SOAT1: variants seen among roughly 807,000 people sequenced by gnomAD.
The protein encoded by SOAT1 is acyl-coenzyme A:cholesterol acyltransferase 1.
In SOAT1, 55 loss-of-function variants were observed where a neutral mutation model predicts 69.5. That is an observed-to-expected ratio of 0.79 (90% CI 0.64 to 0.99). SOAT1 has a LOEUF of 0.99. Ranked by LOEUF, SOAT1 falls within the 50% of genes least tolerant of loss-of-function variation. The pLI is 0.00. For synonymous variants in SOAT1, 231 were observed against 224.7 expected (o/e 1.03, Z -0.25); for missense variants, 580 against 669.3 (o/e 0.87, Z 1.47).
rs186160428 is a variant in SOAT1, at chr1:179,306,087, T to G, written c.118+3285T>G. ...GCAAAGACTTTTTAAGACAGTATAG[T>G]GTTGTGTGTGTGGTGTTTTGTTTGC... On this transcript the variant is annotated intron_variant, in intron 2 of 15. Coordinates refer to ENST00000367619, the MANE Select transcript of SOAT1 (RefSeq NM_003101.6). 4.6e-5 allele frequency among the ~76,000 whole-genome samples: 7 copies of G among 152,238 alleles called. No homozygotes were observed. The East Asian group carries it at 1.4e-3, about 29-fold the overall frequency.
chr1:179,325,065 TGCTGGGATTACAG>T (rs1205900778), intron 3 of SOAT1, among the ~76,000 whole-genome samples: 2 of 151,468 alleles, frequency 1.3e-5, no homozygotes, highest in Non-Finnish European at 2.9e-5. Context: ...CCTCCCAAAG[TGCTGGGATTACAG>T]GCTGGGATTA....
rs1415113163 is a variant in SOAT1, at chr1:179,341,069, A to G, written c.539A>G (p.Lys180Arg). 31 of 1,613,952 alleles carry G rather than the reference A, an allele frequency of 1.9e-5. No homozygotes were observed. Among genetic ancestry groups the G allele is most frequent in the Non-Finnish European group, 2.5e-5 (30 of 1,179,990 alleles). The change falls in exon 7 of 16, where the codon AAA (lysine) becomes AGA (arginine). Residue 180 changes from lysine (K) to arginine (R), a missense_variant. Lys to Arg is a conservative substitution (Grantham distance 26). Coordinates refer to ENST00000367619, the MANE Select transcript of SOAT1 (RefSeq NM_003101.6). ...EFSLLSYAFG[K>R]FPTVVWTWWI... ...AGCCTCCTGTCTTATGCTTTTGGCA[A>G]ATTTCCTACCGTTGTTTGGACCTGG...
chr1:179,344,374 T>TGAGAAGGAGTCCTGC, intron 10 of SOAT1, among the ~76,000 whole-genome samples: 1 of 24,146 alleles, frequency 4.1e-5, no homozygotes, highest in East Asian at 1.1e-3. Context: ...TTTTTTTTTT[T>TGAGAAGGAGTCCTGC]TTTTTTTTTT....
In SOAT1 at chr1:179,339,427, T is replaced by C; in HGVS notation, c.390-11T>C. The stretch of plus-strand genomic sequence containing the variant: ...CATTATTAACTTGTTTTGTTTGAAC[T>C]ACATTTACAGTGAACTGCTTGAAGT... On this transcript the variant is annotated splice_polypyrimidine_tract_variant and intron_variant, in intron 5 of 15. Coordinates refer to ENST00000367619, the MANE Select transcript of SOAT1 (RefSeq NM_003101.6). 6.5e-7 allele frequency: 1 copy of C among 1,549,286 alleles called. No homozygotes were observed. Among genetic ancestry groups the C allele is most frequent in the Non-Finnish European group, 8.8e-7 (1 of 1,141,254 alleles).
intron 3 of SOAT1, among the ~76,000 whole-genome samples, chr1:179,329,732 A>G (rs150703934): frequency 2.0e-5 from 3 of 152,018 alleles, no homozygotes; most frequent in African/African-American, 4.8e-5. Flanking sequence ...AAAAAAAAGA[A>G]GTTTTTGGAT....
At chr1:179,334,229 G>C (rs934823241) in intron 3 of SOAT1, among the ~76,000 whole-genome samples, 6 of 152,208 alleles carry the variant, frequency 3.9e-5, no homozygotes, top group African/African-American at 1.2e-4. Context: ...TTTATGTATA[G>C]GTGGTGGGGG....
At chr1:179,331,507 G>A (rs990949606) in intron 3 of SOAT1, among the ~76,000 whole-genome samples, 1 of 152,180 alleles carries the variant, frequency 6.6e-6, no homozygotes, top group Admixed American at 6.5e-5. Context: ...GGAGGCCAAG[G>A]CAGGCAGATC....
chr1:179,341,025 C>G lies in SOAT1; in HGVS notation c.498-3C>G, dbSNP rs766091340. On this transcript the variant is annotated splice_polypyrimidine_tract_variant and splice_region_variant and intron_variant, in intron 6 of 15. Transcript: ENST00000367619. ...GTTCTTTTTCTGTACCTTTTCTCCC[C>G]AGGCTGGTGCTTGAGTTCAGCCTCC... 6.2e-7 allele frequency: 1 copy of G among 1,613,074 alleles called. No individual in the cohort carries two copies. Among genetic ancestry groups the G allele is most frequent in the Admixed American group, 1.7e-5 (1 of 59,856 alleles).
chr1:179,295,614 C>G (rs1456105960), intron 1 of SOAT1, among the ~76,000 whole-genome samples: 2 of 152,184 alleles, frequency 1.3e-5, no homozygotes, highest in Non-Finnish European at 2.9e-5. Context: ...GTTTCAGCTA[C>G]CTGAGGTGCG....
intron 2 of SOAT1, among the ~76,000 whole-genome samples, chr1:179,313,951 A>G (rs1487854740): frequency 6.6e-6 from 1 of 152,192 alleles, no homozygotes; most frequent in Non-Finnish European, 1.5e-5. Context: ...GTAAGTAGAT[A>G]AGCTTCCCTT....
intron 3 of SOAT1, among the ~76,000 whole-genome samples, chr1:179,332,434 G>A (rs1350056082): frequency 6.6e-6 from 1 of 152,006 alleles, no homozygotes; most frequent in Non-Finnish European, 1.5e-5. Flanking sequence ...AATCTTAGAG[G>A]TTATCTAATT....
intron 5 of SOAT1, among the ~76,000 whole-genome samples, chr1:179,338,433 T>C (rs1028301836): frequency 1.3e-5 from 2 of 152,140 alleles, no homozygotes; most frequent in African/African-American, 2.4e-5. Context: ...TAAAAAAAAG[T>C]GTACTTTTCT....
Position 179,354,069 on chromosome 1 carries a change from A to G in SOAT1, c.*428A>G, listed in dbSNP as rs1436697020. 1 of 159,998 alleles carries G rather than the reference A, an allele frequency of 6.3e-6. No individual in the cohort carries two copies. Among genetic ancestry groups the G allele is most frequent in the Non-Finnish European group, 1.4e-5 (1 of 73,292 alleles). 9.9% of individuals were successfully genotyped at this position (159,998 alleles called of 1,614,324 possible). ...CTGGCTTAGAAATTTTTTCATGCACACTGTTGGAATGTATGCTAATTGAAC... is the reference window on the plus strand; with the variant it reads ...CTGGCTTAGAAATTTTTTCATGCACGCTGTTGGAATGTATGCTAATTGAAC... On this transcript the variant is annotated 3_prime_UTR_variant, in exon 16 of 16. Transcript: ENST00000367619.
chr1:179,300,868 G>T (rs549454856), intron 1 of SOAT1, among the ~76,000 whole-genome samples: 2 of 152,218 alleles, frequency 1.3e-5, no homozygotes, highest in South Asian at 2.1e-4. Context: ...GGCTGAGGCG[G>T]GCGGATAACT....
chr1:179,311,731 CAA>C (rs1665228709), intron 2 of SOAT1, among the ~76,000 whole-genome samples: 1 of 152,010 alleles, frequency 6.6e-6, no homozygotes. Flanking sequence ...TTTTAAAAAA[CAA>C]ATTAAATATA....
At chr1:179,329,560 A>G (rs1283564454) in intron 3 of SOAT1, among the ~76,000 whole-genome samples, 2 of 151,946 alleles carry the variant, frequency 1.3e-5, no homozygotes, top group Non-Finnish European at 2.9e-5. Context: ...TTTACTAAAA[A>G]TACAACAAAA....
intron 12 of SOAT1, among the ~76,000 whole-genome samples, 156 bp downstream of exon 12, chr1:179,347,853 G>T (rs1666589425): frequency 6.6e-6 from 1 of 152,104 alleles, no homozygotes; most frequent in Non-Finnish European, 1.5e-5. Context: ...CTGAAATTCG[G>T]TTACAGATAT....
At chr1:179,340,813 T>C (rs1347095128) in intron 6 of SOAT1, among the ~76,000 whole-genome samples, 1 of 65,918 alleles carries the variant, frequency 1.5e-5, no homozygotes, top group Non-Finnish European at 2.8e-5. Context: ...AAAGAACATA[T>C]ATTGTTGATA....
chr1:179,322,904 C>T lies in SOAT1; in HGVS notation c.119-533C>T, dbSNP rs191673086. 1.6e-4 allele frequency among the ~76,000 whole-genome samples: 24 copies of T among 152,308 alleles called. No homozygotes were observed. In the East Asian group the frequency reaches 3.5e-3, roughly 22 times the overall value. ...TGGGCAGGCCCTAGACTTTGCCATTCTGTAAAGTATTGTCCTCTGTGTACT... is the reference window on the plus strand; with the variant it reads ...TGGGCAGGCCCTAGACTTTGCCATTTTGTAAAGTATTGTCCTCTGTGTACT... On this transcript the variant is annotated intron_variant, in intron 2 of 15. Coordinates refer to ENST00000367619, the MANE Select transcript of SOAT1 (RefSeq NM_003101.6).
Sources: gnomAD v4.1 joint callset for allele counts (sites outside exome capture counted in the v4.1 genomes callset) on GRCh38, gnomAD v4.1.1 for gene constraint, MANE v1.5 for transcripts, NCBI Gene and HGNC (gene_info 2026-07-23, HGNC 2026-07-21) for gene names.